FAM72D: variants seen among roughly 807,000 people sequenced by gnomAD.
FAM72D encodes protein FAM72D.
For synonymous variants in FAM72D, 4 were observed against 35.1 expected (o/e 0.11, Z 3.13); for missense variants, 9 against 104.7 (o/e 0.09, Z 3.99).
At chr1:145,105,766 A>G (rs1189381730) in intron 3 of FAM72D, among the ~76,000 whole-genome samples, 12 of 149,646 alleles carry the variant, frequency 8.0e-5, no homozygotes, top group Non-Finnish European at 1.5e-4. Flanking sequence ...CAGCCTGACC[A>G]ACATGGAGAA....
Position 145,112,336 on chromosome 1 carries a change from A to G in FAM72D, c.*739A>G, listed in dbSNP as rs1468009675. ...CTCTGTAAATAGTGAATTTTAGACG[A>G]GTGGTCTGTCCTAAATCTTAAATAG... On this transcript the variant is annotated 3_prime_UTR_variant, in exon 4 of 4. Coordinates refer to ENST00000400889, the MANE Select transcript of FAM72D (RefSeq NM_207418.3). 1 of 151,514 alleles carries G rather than the reference A, an allele frequency of 6.6e-6. No homozygotes were observed. Among genetic ancestry groups the G allele is most frequent in the Non-Finnish European group, 1.5e-5 (1 of 67,892 alleles). 9.4% of individuals were successfully genotyped at this position (151,514 alleles called of 1,614,324 possible).
chr1:145,102,068 A>C (rs1571197862), intron 2 of FAM72D, among the ~76,000 whole-genome samples: 1 of 131,772 alleles, frequency 7.6e-6, no homozygotes, highest in East Asian at 2.0e-4. Flanking sequence ...TAGCTAGTTA[A>C]AAAAAAAAAA....
intron 2 of FAM72D, among the ~76,000 whole-genome samples, chr1:145,100,924 C>T (rs1210730966): frequency 2.0e-5 from 3 of 146,840 alleles, no homozygotes; most frequent in Admixed American, 6.7e-5. Context: ...TGTGAGCCAC[C>T]GCACCTGGGC....
chr1:145,100,756 T>A (rs1336580073), intron 2 of FAM72D, among the ~76,000 whole-genome samples: 4 of 150,426 alleles, frequency 2.7e-5, no homozygotes, highest in African/African-American at 9.9e-5. Flanking sequence ...CCTCCCTAAG[T>A]GCTAGGATTA....
Position 145,112,378 on chromosome 1 carries a change from G to T in FAM72D, c.*781G>T, listed in dbSNP as rs1157703528. 1 of 151,296 alleles carries T rather than the reference G, an allele frequency of 6.6e-6. No homozygotes were observed. Among genetic ancestry groups the T allele is most frequent in the Non-Finnish European group, 1.5e-5 (1 of 67,876 alleles). The allele number at this position is 151,296 out of a possible 1,614,324, so 9.4% of individuals were successfully genotyped here. On this transcript the variant is annotated 3_prime_UTR_variant, in exon 4 of 4. Transcript: ENST00000400889. ...CTTAAATAGAAAAAAAAACTAAAGC[G>T]ATTTGCTTAAGCCATTGTACATTAT...
rs1231533385 is a variant in FAM72D at position 145,107,487 on chromosome 1, C to T, written c.356-4016C>T. 2.4e-5 allele frequency among the ~76,000 whole-genome samples: 3 copies of T among 127,648 alleles called. No individual in the cohort carries two copies. The East Asian group carries it at 6.8e-4, about 29-fold the overall frequency. The allele number at this position is 127,648 out of a possible 152,430, so 83.7% of individuals were successfully genotyped here. A position where few individuals can be genotyped will look rare whatever the true frequency, so the allele number is the denominator to read the frequency against. On this transcript the variant is annotated intron_variant, in intron 3 of 3. Coordinates refer to ENST00000400889, the MANE Select transcript of FAM72D (RefSeq NM_207418.3). ...CACCTGACCTCAGGGGATCCGCCTG[C>T]CTCAGCCTCCCAAAGTGCTGGGATT...
chr1:145,102,483 C>T (rs1362478578), intron 2 of FAM72D, among the ~76,000 whole-genome samples: 1 of 43,378 alleles, frequency 2.3e-5, no homozygotes, highest in African/African-American at 8.2e-5. Flanking sequence ...ATAATACTAG[C>T]AGGACAAGCA....
chr1:145,105,473 A>C (rs1394928361), intron 3 of FAM72D, among the ~76,000 whole-genome samples: 2 of 91,346 alleles, frequency 2.2e-5, no homozygotes, highest in African/African-American at 9.0e-5. Flanking sequence ...CAGGAGTTTA[A>C]GACCAGCCTG....
chr1:145,107,557 CTTTTTTTTTT>C (rs1208076045), intron 3 of FAM72D, among the ~76,000 whole-genome samples: 1 of 109,022 alleles, frequency 9.2e-6, no homozygotes, highest in Non-Finnish European at 1.9e-5. Context: ...CCTGAAGTAC[CTTTTTTTTTT>C]TTTTTTTTTT....
intron 1 of FAM72D, among the ~76,000 whole-genome samples, chr1:145,097,439 TG>T (rs1366632600): frequency 3.1e-5 from 1 of 32,042 alleles, no homozygotes; most frequent in Non-Finnish European, 5.7e-5. Flanking sequence ...TATTTGCAAT[TG>T]GCATCCTAAA....
intron 3 of FAM72D, among the ~76,000 whole-genome samples, chr1:145,107,245 TC>T (rs1342752359): frequency 6.8e-6 from 1 of 146,434 alleles, no homozygotes; most frequent in African/African-American, 2.6e-5. Flanking sequence ...AAATACTAAT[TC>T]TTTTTTTTTT....
chr1:145,100,698 C>T (rs9697687), intron 2 of FAM72D, among the ~76,000 whole-genome samples: 1 of 147,774 alleles, frequency 6.8e-6, no homozygotes, highest in Non-Finnish European at 1.5e-5. Flanking sequence ...CACCGTGTTG[C>T]CCAGGCTGCT....
At chr1:145,100,518 G>A (rs1214713624) in intron 2 of FAM72D, among the ~76,000 whole-genome samples, 2 of 139,038 alleles carry the variant, frequency 1.4e-5, no homozygotes, top group Admixed American at 7.2e-5. Context: ...TTAAGACGGA[G>A]TTTTGCTCTG....
Position 145,096,532 on chromosome 1 carries a change from A to G in FAM72D, c.-316A>G. The G allele has an allele frequency of 7.0e-6, 2 of 286,562 alleles. No homozygotes were observed. Among genetic ancestry groups the G allele is most frequent in the Non-Finnish European group, 1.3e-5 (2 of 152,666 alleles). The allele number at this position is 286,562 out of a possible 1,614,324, so 17.8% of individuals were successfully genotyped here. On this transcript the variant is annotated 5_prime_UTR_variant, in exon 1 of 4. Transcript: ENST00000400889. ...GCTGAAGTGTAGAGGACTCCTTTAG[A>G]CAGCAGAAAGGGAAAGCCGTTGAGA... is the stretch of plus-strand genomic sequence containing the variant.
chr1:145,100,841 A>G (rs1654672936), intron 2 of FAM72D, among the ~76,000 whole-genome samples: 1 of 150,292 alleles, frequency 6.7e-6, no homozygotes. Context: ...TCGCCATGTT[A>G]GCCAGGCTGG....
chr1:145,101,156 G>C (rs1238543149), intron 2 of FAM72D, among the ~76,000 whole-genome samples: 1 of 142,718 alleles, frequency 7.0e-6, no homozygotes, highest in Non-Finnish European at 1.5e-5. Context: ...TGGCCAGGCT[G>C]GTCTCGAACT....
In FAM72D at chr1:145,097,212, A is replaced by T. The variant is rs587733518; in HGVS notation, c.152+213A>T. Reference sequence around the variant, plus strand: ...TGGTCAGTCCTGATGTAATGCTTCTAGTTCAATTGCAGTCATGCGACCACA... The same window carrying T: ...TGGTCAGTCCTGATGTAATGCTTCTTGTTCAATTGCAGTCATGCGACCACA... On this transcript the variant is annotated intron_variant, in intron 1 of 3. Coordinates refer to ENST00000400889, the MANE Select transcript of FAM72D (RefSeq NM_207418.3). 4.9e-5 allele frequency among the ~76,000 whole-genome samples: 7 copies of T among 141,882 alleles called. No homozygotes were observed. The East Asian group carries it at 1.4e-3, about 28-fold the overall frequency. 93.1% of individuals were successfully genotyped at this position (141,882 alleles called of 152,430 possible).
chr1:145,100,279 TGGGGTTTGTATTTAGAA>T (rs1432391574), intron 2 of FAM72D, among the ~76,000 whole-genome samples: 3 of 117,828 alleles, frequency 2.5e-5, no homozygotes, highest in African/African-American at 9.9e-5. Context: ...CTCATTTAGA[TGGGGTTTGTATTTAGAA>T]GGGGTTTGTA....
chr1:145,102,796 G>T (rs1277972169), intron 2 of FAM72D, among the ~76,000 whole-genome samples: 22 of 130,404 alleles, frequency 1.7e-4, no homozygotes, highest in African/African-American at 6.2e-4. Context: ...TAATAGCAAA[G>T]AAATGTGAGA....
Sources: gnomAD v4.1 joint callset for allele counts (sites outside exome capture counted in the v4.1 genomes callset) on GRCh38, gnomAD v4.1.1 for gene constraint, MANE v1.5 for transcripts, NCBI Gene and HGNC (gene_info 2026-07-23, HGNC 2026-07-21) for gene names.